The following MAG variants were observed in gnomAD, a reference collection of about 807,000 sequenced individuals.
MAG encodes myelin associated glycoprotein.
In MAG, 30 loss-of-function variants were observed where a neutral mutation model predicts 60.7. That is an observed-to-expected ratio of 0.49 (90% CI 0.37 to 0.67). The LOEUF (loss-of-function observed/expected upper bound fraction) is 0.67, where lower values mean the gene tolerates loss of function less well. MAG is among the 30% of genes least tolerant of loss of function. The probability of loss-of-function intolerance (pLI) is 0.00; values close to 1 mark genes in which losing one functional copy is unlikely to be tolerated. For synonymous variants in MAG, 384 were observed against 376.8 expected (o/e 1.02, Z -0.22); for missense variants, 795 against 851.7 (o/e 0.93, Z 0.83).
At chr19:35,303,374 A>G (rs1382921197) in intron 7 of MAG, among the ~76,000 whole-genome samples, 6 of 152,128 alleles carry the variant, frequency 3.9e-5, no homozygotes, top group Admixed American at 1.3e-4. Flanking sequence ...CCACTCATTT[A>G]ATCCTCATGA....
At chr19:35,303,105 G>A (rs1467407318) in intron 7 of MAG, among the ~76,000 whole-genome samples, 7 of 152,214 alleles carry the variant, frequency 4.6e-5, no homozygotes, top group East Asian at 3.9e-4. Flanking sequence ...TGTATTTTTA[G>A]TAGAGACGGG....
In MAG at chr19:35,292,689, G is replaced by C. The variant is rs543206819; in HGVS notation, c.-80+485G>C. On this transcript the variant is annotated intron_variant, in intron 1 of 10. Transcript: ENST00000392213. ...TGCGTGTGCGTGCACACACATGGCT[G>C]CCCATGCACCTTCCTCTGTAAGCCT... Among the ~76,000 whole-genome samples, 245 of 152,018 alleles carry C rather than the reference G, an allele frequency of 1.6e-3. 2 individuals are homozygous for C. The highest frequency in any genetic ancestry group is 3.1e-3 in the Admixed American group (47 of 15,290).
In MAG at chr19:35,299,844, G is replaced by T. The variant is rs373129536; in HGVS notation, c.706G>T (p.Val236Phe). The change falls in exon 5 of 11, where the codon GTC becomes TTC. Residue 236 changes from valine to phenylalanine, a missense_variant. Val to Phe is a conservative substitution (Grantham distance 50). Transcript: ENST00000392213. The stretch of plus-strand genomic sequence containing the variant: ...GTTCGAGGGCTACGCCAGCATGGAC[G>T]TCAAGTGTGAGCCTGGGTGCGGGCG... ...LQFEGYASMDVKYPPVIVEMN... is the reference protein window; with the variant it reads ...LQFEGYASMDFKYPPVIVEMN... 2.8e-6 allele frequency: 4 copies of T among 1,441,400 alleles called. No individual in the cohort carries two copies. The African/African-American group carries it at 5.9e-5, about 21-fold the overall frequency. 89.3% of individuals were successfully genotyped at this position (1,441,400 alleles called of 1,614,324 possible). A position where few individuals can be genotyped will look rare whatever the true frequency, so the allele number is the denominator to read the frequency against.
chr19:35,306,948 T>A (rs901639981), intron 7 of MAG, among the ~76,000 whole-genome samples: 2 of 152,226 alleles, frequency 1.3e-5, no homozygotes, highest in African/African-American at 4.8e-5. Context: ...CTTTGTACCT[T>A]TGTCTTACAG....
chr19:35,297,648 C>G (rs891349005), intron 4 of MAG, among the ~76,000 whole-genome samples: 4 of 147,154 alleles, frequency 2.7e-5, no homozygotes, highest in Non-Finnish European at 6.0e-5. Context: ...ACCACACACA[C>G]TACACACACT....
At chr19:35,299,923 T>C (rs544991818) in intron 5 of MAG, 73 bp downstream of exon 5, 20,568 of 764,288 alleles carry the variant, frequency 0.027, 415 homozygotes, top group Admixed American at 0.042. Context: ...GACCTGGGGA[T>C]GCGGCCGGAG....
rs201415296 is a variant in MAG, at chr19:35,299,644, G to T, written c.506G>T (p.Arg169Leu). Residue 169 changes from arginine to leucine, a missense_variant, in exon 5 of 11, where the codon CGC (arginine) becomes CTC (leucine). By Grantham distance (102) the Arg-to-Leu change is moderately radical. Transcript: ENST00000392213. ...CMVPDNCPEL[R>L]PELSWLGHEG... ...GTGCCGGACAACTGCCCAGAGCTGC[G>T]CCCTGAGCTGAGCTGGCTGGGCCAC... is the stretch of plus-strand genomic sequence containing the variant. 1.2e-6 allele frequency: 2 copies of T among 1,609,950 alleles called. No individual in the cohort carries two copies. Among genetic ancestry groups the T allele is most frequent in the Non-Finnish European group, 1.7e-6 (2 of 1,178,592 alleles).
chr19:35,295,902 C>A lies in MAG; in HGVS notation c.336C>A (p.Gly112=), dbSNP rs139794517. 1.2e-6 allele frequency: 2 copies of A among 1,613,856 alleles called. No individual in the cohort carries two copies. The highest frequency in any genetic ancestry group is 1.7e-6 in the Non-Finnish European group (2 of 1,179,968). The change falls in exon 4 of 11, where the codon GGC becomes GGA. Residue 112 remains glycine (G), a synonymous_variant. Transcript: ENST00000392213. The surrounding 1 kb of genome is among the most constrained non-coding windows in gnomAD (Gnocchi z 5.8). ...TCAGCAACGTCAGCCCCGAGCTGGG[C>A]GGGAAGTACTACTTCCGTGGGGACC... ...LLLSNVSPEL[G]GKYYFRGDLG...
At chr19:35,309,489 T>TG (rs1026071182) in intron 7 of MAG, among the ~76,000 whole-genome samples, 31 of 152,116 alleles carry the variant, frequency 2.0e-4, no homozygotes, top group African/African-American at 6.8e-4. Context: ...TCTCATTCTG[T>TG]AACCTCTCGT....
chr19:35,292,706 T>C (rs543577644), intron 1 of MAG, among the ~76,000 whole-genome samples: 8 of 152,124 alleles, frequency 5.3e-5, no homozygotes, highest in African/African-American at 1.9e-4. Flanking sequence ...CACCTTCCTC[T>C]GTAAGCCTCA....
chr19:35,310,480 C>T, intron 8 of MAG, 67 bp from the exon 9 acceptor site: 2 of 1,383,074 alleles, frequency 1.4e-6, no homozygotes, highest in Non-Finnish European at 2.1e-6. Flanking sequence ...AGCATGTCTC[C>T]AAAGTTCTCA....
At position 35,312,098 on chromosome 19, in the gene MAG, G is replaced by C. The variant is rs2066532280; in HGVS notation, c.1716+81G>C. On this transcript the variant is annotated intron_variant, in intron 10 of 10. Coordinates refer to ENST00000392213, the MANE Select transcript of MAG (RefSeq NM_002361.4). ...CCTGGGAAAGGCCTGTGAGGCCAAGGGGCAGGGGAGTGGGAGCGGCCTCTC... is the reference window on the plus strand; with the variant it reads ...CCTGGGAAAGGCCTGTGAGGCCAAGCGGCAGGGGAGTGGGAGCGGCCTCTC... 2.1e-6 allele frequency: 3 copies of C among 1,401,378 alleles called. No individual in the cohort carries two copies. In the South Asian group the frequency reaches 3.5e-5, roughly 16 times the overall value. 86.8% of individuals were successfully genotyped at this position (1,401,378 alleles called of 1,614,324 possible).
In MAG at chr19:35,300,199, C is replaced by A; in HGVS notation, c.765C>A (p.Ser255=). ...CCTCGGTGGAGGCCATCGAGGGCTC[C>A]CACGTGAGCCTGCTCTGTGGGGCTG... is the stretch of plus-strand genomic sequence containing the variant. ...MNSSVEAIEG[S]HVSLLCGADS... The change falls in exon 6 of 11, where the codon TCC becomes TCA. Residue 255 remains serine (S), a synonymous_variant. Transcript: ENST00000392213. The A allele has an allele frequency of 6.4e-7, 1 of 1,571,566 alleles. No individual in the cohort carries two copies. Among genetic ancestry groups the A allele is most frequent in the Non-Finnish European group, 8.7e-7 (1 of 1,154,638 alleles).
At chr19:35,305,959 C>CCA (rs2066481424) in intron 7 of MAG, among the ~76,000 whole-genome samples, 1 of 143,674 alleles carries the variant, frequency 7.0e-6, no homozygotes, top group Non-Finnish European at 1.5e-5. Context: ...TCCCAGCCCC[C>CCA]CACTCCAGCC....
chr19:35,312,085 C>A, intron 10 of MAG, 68 bp downstream of exon 10: 1 of 1,473,008 alleles, frequency 6.8e-7, no homozygotes, highest in Non-Finnish European at 9.5e-7. Context: ...TGGGAAAGGC[C>A]TGTGAGGCCA....
rs1003967934 is a variant in MAG at position 35,301,133 on chromosome 19, G to C, written c.970+729G>C. Reference sequence around the variant, plus strand: ...GATCCTCCCGCCTCAGCCTCCCAAAGTGCTGGGATTAGAGGCATGAGCCAC... The same window carrying C: ...GATCCTCCCGCCTCAGCCTCCCAAACTGCTGGGATTAGAGGCATGAGCCAC... On this transcript the variant is annotated intron_variant, in intron 6 of 10. Transcript: ENST00000392213. 4.6e-5 allele frequency among the ~76,000 whole-genome samples: 7 copies of C among 152,022 alleles called. No individual in the cohort carries two copies. The South Asian group carries it at 6.2e-4, about 14-fold the overall frequency.
At chr19:35,297,711 C>CACACACT (rs1220875951) in intron 4 of MAG, among the ~76,000 whole-genome samples, 1 of 149,530 alleles carries the variant, frequency 6.7e-6, no homozygotes, top group Non-Finnish European at 1.5e-5. Context: ...ACACACCAAA[C>CACACACT]ACACACTACA....
Position 35,295,706 on chromosome 19 carries a change from C to T in MAG, c.140C>T (p.Pro47Leu). Residue 47 changes from proline to leucine, a missense_variant, in exon 4 of 11, where the codon CCG (proline) becomes CTG (leucine). Coordinates refer to ENST00000392213, the MANE Select transcript of MAG (RefSeq NM_002361.4). The surrounding 1 kb of genome is among the most constrained non-coding windows in gnomAD (Gnocchi z 5.8). ...TCCATCCCCTGCCGCTTTGACTTCCCGGATGAGCTGCGGCCCGCTGTGGTG... is the reference window on the plus strand; with the variant it reads ...TCCATCCCCTGCCGCTTTGACTTCCTGGATGAGCTGCGGCCCGCTGTGGTG... ...CVSIPCRFDFPDELRPAVVHG... is the reference protein window; with the variant it reads ...CVSIPCRFDFLDELRPAVVHG... 8 of 1,613,626 alleles carry T rather than the reference C, an allele frequency of 5.0e-6. No homozygotes were observed. Among genetic ancestry groups the T allele is most frequent in the Non-Finnish European group, 6.8e-6 (8 of 1,180,030 alleles).
intron 9 of MAG, among the ~76,000 whole-genome samples, chr19:35,311,227 G>A (rs1599659802): frequency 6.6e-6 from 1 of 152,052 alleles, no homozygotes; most frequent in African/African-American, 2.4e-5. Context: ...CCAGCTACTT[G>A]GGAGGCTGAG....
Sources: allele counts gnomAD v4.1 joint callset (sites outside exome capture counted in the v4.1 genomes callset), GRCh38; gene constraint gnomAD v4.1.1; non-coding constraint Gnocchi (gnomAD v3.1); transcripts MANE v1.5; gene names NCBI Gene and HGNC (gene_info 2026-07-23, HGNC 2026-07-21).